AGAP1: variants seen among roughly 807,000 people sequenced by gnomAD.
AGAP1 encodes the protein arf-GAP with GTPase, ANK repeat and PH domain-containing protein 1.
A neutral mutation model predicts 105.3 loss-of-function variants in AGAP1; 29 were observed. The ratio of observed to expected loss-of-function variants is 0.28; its 90% confidence interval spans 0.21 to 0.38. AGAP1 has a LOEUF of 0.38. Among genes scored for constraint, AGAP1 ranks in the 10% least tolerant of loss-of-function variants. The pLI is 1.00. For synonymous variants in AGAP1, 509 were observed against 485.9 expected (o/e 1.05, Z -0.63); for missense variants, 998 against 1,165.1 (o/e 0.86, Z 2.09).
intron 1 of AGAP1, among the ~76,000 whole-genome samples, chr2:235,627,192 G>GTTTTTTTTTTTTTTTTT (rs36086999): frequency 3.1e-5 from 3 of 95,556 alleles, no homozygotes; most frequent in African/African-American, 9.0e-5. Context: ...CTGTTTTGAG[G>GTTTTTTTTTTTTTTTTT]TTTTTTTTTT....
At chr2:235,767,464 T>C (rs2675130) in intron 6 of AGAP1, among the ~76,000 whole-genome samples, 38,589 of 152,136 alleles carry the variant, frequency 0.25, 5,292 homozygotes, top group Admixed American at 0.4. Flanking sequence ...GCCGTTGCTT[T>C]TTCCGTTGAC....
chr2:235,533,809 G>A (rs1025611399), intron 1 of AGAP1, among the ~76,000 whole-genome samples: 4 of 152,230 alleles, frequency 2.6e-5, no homozygotes, highest in Non-Finnish European at 4.4e-5. Context: ...ACCCCTCCCC[G>A]CTGGCCCCTC....
At chr2:235,702,686 G>A (rs1179473397) in intron 1 of AGAP1, among the ~76,000 whole-genome samples, 1 of 152,164 alleles carries the variant, frequency 6.6e-6, no homozygotes, top group Non-Finnish European at 1.5e-5. Flanking sequence ...GAACCCCACT[G>A]TGAAATTGCC....
In AGAP1 at chr2:235,901,127, A is replaced by C. The variant is rs540368259; in HGVS notation, c.1156-7611A>C. On this transcript the variant is annotated intron_variant, in intron 10 of 17. Coordinates refer to ENST00000304032, the MANE Select transcript of AGAP1 (RefSeq NM_001037131.3). The surrounding 1 kb of genome is among the most constrained non-coding windows in gnomAD (Gnocchi z 4.3). ...TGCACCTGTGACTACGTACAAGGCC[A>C]TTGTTTATTATTCATAAATGTGGGA... 6.6e-6 allele frequency among the ~76,000 whole-genome samples: 1 copy of C among 152,300 alleles called. No homozygotes were observed. Among genetic ancestry groups the C allele is most frequent in the South Asian group, 2.1e-4 (1 of 4,824 alleles).
intron 16 of AGAP1, among the ~76,000 whole-genome samples, chr2:236,117,455 C>A (rs3754647): frequency 6.6e-6 from 1 of 152,128 alleles, no homozygotes; most frequent in African/African-American, 2.4e-5. Context: ...ACTGACACAG[C>A]GAAGGGTTCA....
chr2:235,733,922 C>T lies in AGAP1; in HGVS notation c.311-7041C>T, dbSNP rs1952094811. Among the ~76,000 whole-genome samples the T allele has an allele frequency of 6.6e-6, 1 of 152,070 alleles. No individual in the cohort carries two copies. The highest frequency in any genetic ancestry group is 1.5e-5 in the Non-Finnish European group (1 of 68,012). ...GATGTTACCAATAAAACCTTTTTCC[C>T]AGTGTATAAATAATATGTGGTCCAA... On this transcript the variant is annotated intron_variant, in intron 3 of 17. Transcript: ENST00000304032. The surrounding 1 kb of genome is among the most constrained non-coding windows in gnomAD (Gnocchi z 5.0).
In AGAP1 at chr2:235,578,888, C is replaced by A. The variant is rs1226283937; in HGVS notation, c.163+84039C>A. Among the ~76,000 whole-genome samples, 1 of 151,700 alleles carries A rather than the reference C, an allele frequency of 6.6e-6. No individual in the cohort carries two copies. The highest frequency in any genetic ancestry group is 2.4e-5 in the African/African-American group (1 of 41,248). On this transcript the variant is annotated intron_variant, in intron 1 of 17. Transcript: ENST00000304032. The surrounding 1 kb of genome is among the most constrained non-coding windows in gnomAD (Gnocchi z 4.9). ...TTGAGGGTCAAAATTTTACCTTTGT[C>A]TACCTATCTGCCTGTCCCTCTAGCT...
rs1436901445 is a variant in AGAP1, at chr2:235,993,984, T to G, written c.1645+25361T>G. On this transcript the variant is annotated intron_variant, in intron 13 of 17. Transcript: ENST00000304032. This position sits in a 1 kb window ranked among gnomAD's most constrained non-coding sequence, Gnocchi z 5.0. ...TCCTAGGAACACAGGTCCTAGGTGT[T>G]TTTTTTTAGCTTGGGAAAGTTACGA... is the stretch of plus-strand genomic sequence containing the variant. 1.3e-5 allele frequency among the ~76,000 whole-genome samples: 2 copies of G among 151,912 alleles called. No homozygotes were observed. The highest frequency in any genetic ancestry group is 2.9e-5 in the Non-Finnish European group (2 of 67,954).
intron 13 of AGAP1, among the ~76,000 whole-genome samples, chr2:236,032,769 C>G (rs941548504): frequency 1.3e-5 from 2 of 151,998 alleles, no homozygotes; most frequent in African/African-American, 2.4e-5. Flanking sequence ...AGTGAGGAAA[C>G]CATGCCAAAT....
chr2:235,844,632 C>G (rs1017273947), intron 9 of AGAP1, among the ~76,000 whole-genome samples: 1 of 152,144 alleles, frequency 6.6e-6, no homozygotes, highest in Admixed American at 6.5e-5. Context: ...AAGGCTCCCC[C>G]TGACCGATGT....
At chr2:235,790,605 A>G (rs79463132) in intron 6 of AGAP1, among the ~76,000 whole-genome samples, 5 of 152,088 alleles carry the variant, frequency 3.3e-5, no homozygotes, top group East Asian at 3.9e-4. Context: ...CTTAAGGACA[A>G]CTTCACACTT....
rs146686291 is a variant in AGAP1, at chr2:235,888,683, C to T, written c.1155+5234C>T. On this transcript the variant is annotated intron_variant, in intron 10 of 17. Coordinates refer to ENST00000304032, the MANE Select transcript of AGAP1 (RefSeq NM_001037131.3). The surrounding 1 kb of genome is among the most constrained non-coding windows in gnomAD (Gnocchi z 4.8). Reference sequence around the variant, plus strand: ...TCGTGCCACTGCACTCCAGCTTGGGCGACCATGCAAGACCCTGTCTTTAAA... The same window carrying T: ...TCGTGCCACTGCACTCCAGCTTGGGTGACCATGCAAGACCCTGTCTTTAAA... Among the ~76,000 whole-genome samples, 896 of 151,258 alleles carry T rather than the reference C, an allele frequency of 5.9e-3. 4 individuals carry two copies. The highest frequency in any genetic ancestry group is 0.021 in the African/African-American group (849 of 41,030).
At chr2:235,604,486 T>TAAA (rs67745854) in intron 1 of AGAP1, among the ~76,000 whole-genome samples, 178 of 135,208 alleles carry the variant, frequency 1.3e-3, no homozygotes, top group Admixed American at 3.8e-3. Flanking sequence ...TGTATCAAAA[T>TAAA]AAAAAAAAAA....
chr2:235,543,094 C>T (rs1238639944), intron 1 of AGAP1, among the ~76,000 whole-genome samples: 1 of 91,496 alleles, frequency 1.1e-5, no homozygotes, highest in African/African-American at 4.2e-5. Flanking sequence ...CGCCTCCTCC[C>T]CCTCCCCCCC....
chr2:235,735,020 G>T (rs1368501888), intron 3 of AGAP1, among the ~76,000 whole-genome samples: 2 of 121,428 alleles, frequency 1.6e-5, no homozygotes, highest in African/African-American at 5.2e-5. Flanking sequence ...ATCCTGCCGC[G>T]CACTGGCCGT....
At chr2:236,117,136 A>G (rs1457152693) in intron 16 of AGAP1, among the ~76,000 whole-genome samples, 1 of 152,244 alleles carries the variant, frequency 6.6e-6, no homozygotes, top group Non-Finnish European at 1.5e-5. Context: ...TTGCTGGATC[A>G]AATGGCAGTT....
chr2:235,846,099 A>G (rs1474961331), intron 9 of AGAP1, among the ~76,000 whole-genome samples: 1 of 152,222 alleles, frequency 6.6e-6, no homozygotes, highest in East Asian at 1.9e-4. Context: ...GAGATTGTAT[A>G]TTTAGATGTC....
rs10629736 is a variant in AGAP1 at position 235,584,902 on chromosome 2, CTTTTTTTT to C, written c.163+90069_163+90076del. On this transcript the variant is annotated intron_variant, in intron 1 of 17. Transcript: ENST00000304032. ...TCGTGTATCGTGGCTAAGTCATTAC[CTTTTTTTT>C]TTTTTTTTTTTTTTTAAAGAAAACC... 1.4e-4 allele frequency among the ~76,000 whole-genome samples: 14 copies of C among 98,520 alleles called. 1 individual carries two copies. The East Asian group carries it at 3.6e-3, about 25-fold the overall frequency. The allele number at this position is 98,520 out of a possible 152,430, so 64.6% of individuals were successfully genotyped here.
At chr2:235,854,166 G>A (rs542812342) in intron 9 of AGAP1, among the ~76,000 whole-genome samples, 241 of 152,184 alleles carry the variant, frequency 1.6e-3, no homozygotes, top group African/African-American at 5.3e-3. Context: ...TTGTCTTCCC[G>A]GGCTCGTGGG....
Sources: allele counts gnomAD v4.1 joint callset (sites outside exome capture counted in the v4.1 genomes callset), GRCh38; gene constraint gnomAD v4.1.1; non-coding constraint Gnocchi (gnomAD v3.1); transcripts MANE v1.5; gene names NCBI Gene and HGNC (gene_info 2026-07-23, HGNC 2026-07-21).